DLG2: variants seen among roughly 807,000 people sequenced by gnomAD.
DLG2 encodes discs large MAGUK scaffold protein 2.
Under a neutral mutation model 132.5 loss-of-function variants are expected in DLG2, and 45 were observed. That is an observed-to-expected ratio of 0.34 (90% CI 0.27 to 0.44). The LOEUF is 0.44. Among genes scored for constraint, DLG2 ranks in the 20% least tolerant of loss-of-function variants. The probability of loss-of-function intolerance (pLI) is 1.00; values close to 1 mark genes in which losing one functional copy is unlikely to be tolerated. For missense variants in DLG2, 1,045 were observed against 1,196.9 expected (o/e 0.87, Z 1.87); for synonymous variants, 424 against 419.6 (o/e 1.01, Z -0.13).
chr11:84,109,482 G>A (rs1443058792), intron 9 of DLG2, among the ~76,000 whole-genome samples: 3 of 152,130 alleles, frequency 2.0e-5, no homozygotes, highest in African/African-American at 7.2e-5. Context: ...AGCAAGGAGA[G>A]CAATATGGGA....
At chr11:85,077,436 T>G (rs1400398432) in intron 6 of DLG2, among the ~76,000 whole-genome samples, 1 of 152,156 alleles carries the variant, frequency 6.6e-6, no homozygotes, top group Admixed American at 6.5e-5. Flanking sequence ...GTGGAGTTGT[T>G]TGGCAATAAA....
At chr11:84,514,639 T>G (rs2099267108) in intron 7 of DLG2, among the ~76,000 whole-genome samples, 1 of 151,796 alleles carries the variant, frequency 6.6e-6, no homozygotes, top group African/African-American at 2.4e-5. Flanking sequence ...GGAGAATGAT[T>G]ACCAAAGCCT....
In DLG2 at chr11:85,493,989, G is replaced by A. The variant is rs116039633; in HGVS notation, c.40+104668C>T. Reference sequence around the variant, plus strand: ...ATTTCCAAGATAGTCCCTTGTTGCTGCATCCTCTGGAGGAAAGAAAAATCA... The same window carrying A: ...ATTTCCAAGATAGTCCCTTGTTGCTACATCCTCTGGAGGAAAGAAAAATCA... On this transcript the variant is annotated intron_variant, in intron 3 of 27. Coordinates refer to ENST00000376104, the MANE Select transcript of DLG2 (RefSeq NM_001142699.3). 1.8e-3 allele frequency among the ~76,000 whole-genome samples: 275 copies of A among 152,280 alleles called. 1 individual carries two copies. The highest frequency in any genetic ancestry group is 6.4e-3 in the African/African-American group (265 of 41,560).
intron 6 of DLG2, among the ~76,000 whole-genome samples, chr11:85,003,808 G>T (rs1201642582): frequency 6.6e-6 from 1 of 152,000 alleles, no homozygotes; most frequent in Non-Finnish European, 1.5e-5. Context: ...TGTCATGGTG[G>T]TTTGCTGCAC....
At chr11:84,515,664 C>A (rs1279947175) in intron 7 of DLG2, among the ~76,000 whole-genome samples, 1 of 151,736 alleles carries the variant, frequency 6.6e-6, no homozygotes, top group Non-Finnish European at 1.5e-5. Flanking sequence ...CCACTTTTAA[C>A]AATGGAGAGA....
chr11:84,617,166 G>T (rs2099605895), intron 6 of DLG2, among the ~76,000 whole-genome samples: 1 of 150,536 alleles, frequency 6.6e-6, no homozygotes, highest in Admixed American at 6.7e-5. Context: ...CCTGGTATGT[G>T]ATGTTCCCCT....
chr11:83,835,639 C>T (rs950229059), intron 16 of DLG2, among the ~76,000 whole-genome samples: 3 of 152,130 alleles, frequency 2.0e-5, no homozygotes, highest in Non-Finnish European at 4.4e-5. Context: ...TTTTCTATTG[C>T]TGAATAACAA....
intron 6 of DLG2, among the ~76,000 whole-genome samples, chr11:84,859,516 G>T (rs1014997172): frequency 1.4e-5 from 2 of 147,328 alleles, no homozygotes; most frequent in African/African-American, 5.0e-5. Context: ...AACTTATATT[G>T]AAAAAGTCAA....
intron 16 of DLG2, among the ~76,000 whole-genome samples, chr11:83,839,856 T>C (rs890016158): frequency 6.6e-6 from 1 of 152,234 alleles, no homozygotes; most frequent in Non-Finnish European, 1.5e-5. Context: ...CTTCTCTCTC[T>C]GAATGTCATG....
intron 6 of DLG2, among the ~76,000 whole-genome samples, chr11:84,677,472 C>A (rs2099716000): frequency 6.6e-6 from 1 of 152,064 alleles, no homozygotes; most frequent in South Asian, 2.1e-4. Flanking sequence ...GAACAAAAAT[C>A]TCTTATTACC....
chr11:85,256,990 T>C (rs1595748115), intron 4 of DLG2, among the ~76,000 whole-genome samples: 1 of 152,158 alleles, frequency 6.6e-6, no homozygotes, highest in Non-Finnish European at 1.5e-5. Flanking sequence ...TTAAAATGCA[T>C]GACAATGAAT....
chr11:84,336,965 T>C (rs2098487929), intron 7 of DLG2, among the ~76,000 whole-genome samples: 1 of 152,208 alleles, frequency 6.6e-6, no homozygotes, highest in Admixed American at 6.5e-5. Flanking sequence ...TACACAAATA[T>C]ATGCATATAT....
At chr11:85,589,748 T>C (rs1001182174) in intron 3 of DLG2, among the ~76,000 whole-genome samples, 4 of 152,052 alleles carry the variant, frequency 2.6e-5, no homozygotes, top group African/African-American at 7.2e-5. Context: ...GACTCAGACC[T>C]AGCCCCAAGT....
intron 7 of DLG2, among the ~76,000 whole-genome samples, chr11:84,532,208 T>C (rs1337957361): frequency 6.7e-6 from 1 of 150,184 alleles, no homozygotes; most frequent in Non-Finnish European, 1.5e-5. Context: ...ACTCTCCCTA[T>C]TCCATTTTTG....
chr11:84,389,321 G>A (rs1395591368), intron 7 of DLG2, among the ~76,000 whole-genome samples: 1 of 152,040 alleles, frequency 6.6e-6, no homozygotes, highest in Non-Finnish European at 1.5e-5. Flanking sequence ...CAAGGGAAGA[G>A]GGGAGGACTC....
At chr11:85,233,696 A>AT (rs547235876) in intron 4 of DLG2, among the ~76,000 whole-genome samples, 4,979 of 131,336 alleles carry the variant, frequency 0.038, 112 homozygotes, top group Admixed American at 0.057. Context: ...TGGATCCTTA[A>AT]TTTTTTTTTT....
chr11:83,575,528 C>T (rs781412097), intron 19 of DLG2, among the ~76,000 whole-genome samples: 20 of 152,128 alleles, frequency 1.3e-4, no homozygotes, highest in Non-Finnish European at 2.4e-4. Context: ...TGATTGGCAT[C>T]TGTGTGCATG....
rs147085262 is a variant in DLG2 at position 84,672,539 on chromosome 11, C to G, written c.358-137808G>C. Among the ~76,000 whole-genome samples the G allele has an allele frequency of 1.7e-3, 265 of 152,234 alleles. 1 individual carries two copies. Among genetic ancestry groups the G allele is most frequent in the African/African-American group, 5.9e-3 (245 of 41,556 alleles). ...CTAATATTCACTCATTTCCATCCAT[C>G]CATTCATTGTACTAGAAACTATTCC... On this transcript the variant is annotated intron_variant, in intron 6 of 27. Coordinates refer to ENST00000376104, the MANE Select transcript of DLG2 (RefSeq NM_001142699.3).
intron 18 of DLG2, among the ~76,000 whole-genome samples, chr11:83,780,581 C>T (rs1400911368): frequency 6.6e-6 from 1 of 152,216 alleles, no homozygotes; most frequent in Non-Finnish European, 1.5e-5. Context: ...TTCATCCCAA[C>T]TCACTGCTTC....
Sources: allele counts gnomAD v4.1 joint callset (sites outside exome capture counted in the v4.1 genomes callset), GRCh38; gene constraint gnomAD v4.1.1; transcripts MANE v1.5; gene names NCBI Gene and HGNC (gene_info 2026-07-23, HGNC 2026-07-21).